The following AGK variants were observed in gnomAD, a reference collection of about 807,000 sequenced individuals.
The protein encoded by AGK is acylglycerol kinase, mitochondrial.
AGK carries 52 observed loss-of-function variants against 66.4 expected under a neutral mutation model. The ratio of observed to expected loss-of-function variants is 0.78; its 90% CI spans 0.63 to 0.99. AGK has a LOEUF of 0.99. Ranked by LOEUF, AGK falls within the 50% of genes least tolerant of loss-of-function variation. AGK has a pLI of 0.00. For synonymous variants in AGK, 182 were observed against 181.1 expected (o/e 1.00, Z -0.04); for missense variants, 451 against 506.6 (o/e 0.89, Z 1.05).
At chr7:141,652,765 C>G in intron 15 of AGK, 22 bp from the exon 16 acceptor site, 1 of 1,611,880 alleles carries the variant, frequency 6.2e-7, no homozygotes, top group Non-Finnish European at 8.5e-7. Flanking sequence ...TTGAGCTGTT[C>G]TGAATATTCT....
intron 13 of AGK, among the ~76,000 whole-genome samples, chr7:141,646,273 C>G (rs929180014): frequency 6.6e-6 from 1 of 152,094 alleles, no homozygotes; most frequent in Non-Finnish European, 1.5e-5. Context: ...TGAGAAACCA[C>G]CACCCGAGAT....
At chr7:141,581,883 T>C (rs142055748) in intron 2 of AGK, among the ~76,000 whole-genome samples, 2,693 of 151,940 alleles carry the variant, frequency 0.018, 106 homozygotes, top group African/African-American at 0.062. Context: ...GTTGGGGAGT[T>C]TTAAGGGGTT....
intron 13 of AGK, among the ~76,000 whole-genome samples, chr7:141,648,862 C>G (rs1797479131): frequency 6.6e-6 from 1 of 152,136 alleles, no homozygotes; most frequent in South Asian, 2.1e-4. Context: ...GCAGCCGATT[C>G]CATGCTGTCA....
At chr7:141,636,176 G>A (rs939787891) in intron 10 of AGK, among the ~76,000 whole-genome samples, 2 of 152,326 alleles carry the variant, frequency 1.3e-5, no homozygotes, top group South Asian at 2.1e-4. Context: ...CATGAGTAAT[G>A]TGAAATTATG....
chr7:141,605,286 A>G (rs1483739323), intron 5 of AGK, among the ~76,000 whole-genome samples: 1 of 152,182 alleles, frequency 6.6e-6, no homozygotes, highest in Non-Finnish European at 1.5e-5. Context: ...GGAATCGTCG[A>G]GGAGTATGAG....
At chr7:141,552,840 GAACA>G (rs946365262) in intron 1 of AGK, among the ~76,000 whole-genome samples, 11 of 152,138 alleles carry the variant, frequency 7.2e-5, no homozygotes, top group Non-Finnish European at 1.6e-4. Flanking sequence ...AGAAGAATCA[GAACA>G]AATAGGCCTT....
chr7:141,649,156 C>T (rs1028592028), intron 13 of AGK, 107 bp from the exon 14 acceptor site: 1 of 603,540 alleles, frequency 1.7e-6, no homozygotes, highest in African/African-American at 1.9e-5. Flanking sequence ...GTAGAGTCCC[C>T]TATCTATATA....
intron 11 of AGK, among the ~76,000 whole-genome samples, chr7:141,638,428 A>G (rs1316658092): frequency 6.6e-6 from 1 of 152,162 alleles, no homozygotes; most frequent in Non-Finnish European, 1.5e-5. Context: ...TTGATGTGCA[A>G]TTTGACTTTT....
chr7:141,574,060 C>A (rs932207872), intron 2 of AGK, among the ~76,000 whole-genome samples: 1 of 151,742 alleles, frequency 6.6e-6, no homozygotes, highest in African/African-American at 2.4e-5. Context: ...ACAAAAAGAA[C>A]TAGTAATTTG....
intron 2 of AGK, among the ~76,000 whole-genome samples, chr7:141,580,933 T>C (rs996490571): frequency 6.6e-5 from 10 of 151,930 alleles, no homozygotes; most frequent in Admixed American, 6.5e-4. Flanking sequence ...ATTTAGGATC[T>C]ATGGAGTCAG....
At chr7:141,606,883 T>G (rs1269878328) in intron 5 of AGK, among the ~76,000 whole-genome samples, 1 of 152,162 alleles carries the variant, frequency 6.6e-6, no homozygotes, top group Non-Finnish European at 1.5e-5. Flanking sequence ...ACTTTGCTAT[T>G]TTTAAAATGT....
intron 13 of AGK, among the ~76,000 whole-genome samples, chr7:141,645,127 A>G (rs1005341990): frequency 6.6e-6 from 1 of 152,116 alleles, no homozygotes; most frequent in Non-Finnish European, 1.5e-5. Flanking sequence ...CATTGTACCC[A>G]TAGATCAATT....
chr7:141,571,841 A>G lies in AGK; in HGVS notation c.101+16274A>G, dbSNP rs541306050. 2.7e-3 allele frequency among the ~76,000 whole-genome samples: 418 copies of G among 152,296 alleles called. 1 individual carries two copies. Among genetic ancestry groups the G allele is most frequent in the Non-Finnish European group, 4.6e-3 (314 of 68,012 alleles). ...TTCACTGGTCATGCAGATTTTTTTTAGAACAATGCCTGACACAAAGAAAGC... is the reference window on the plus strand; with the variant it reads ...TTCACTGGTCATGCAGATTTTTTTTGGAACAATGCCTGACACAAAGAAAGC... On this transcript the variant is annotated intron_variant, in intron 2 of 15. Coordinates refer to ENST00000649286, the MANE Select transcript of AGK (RefSeq NM_018238.4).
At chr7:141,622,687 G>A (rs530311694) in intron 9 of AGK, among the ~76,000 whole-genome samples, 1 of 152,236 alleles carries the variant, frequency 6.6e-6, no homozygotes, top group South Asian at 2.1e-4. Context: ...ATTGAAATTA[G>A]ACCAATTAAT....
intron 2 of AGK, among the ~76,000 whole-genome samples, chr7:141,581,283 G>T (rs939842106): frequency 6.6e-6 from 1 of 151,798 alleles, no homozygotes; most frequent in Non-Finnish European, 1.5e-5. Context: ...GATGAAGGGT[G>T]TAAAGGAATA....
At chr7:141,607,642 A>T (rs1436074711) in intron 5 of AGK, among the ~76,000 whole-genome samples, 1 of 151,988 alleles carries the variant, frequency 6.6e-6, no homozygotes, top group African/African-American at 2.4e-5. Flanking sequence ...AATTTTACTG[A>T]ATTTTAATTT....
In AGK at chr7:141,555,372, T is replaced by C. The variant is rs931126895; in HGVS notation, c.-14-81T>C. On this transcript the variant is annotated intron_variant, in intron 1 of 15. Transcript: ENST00000649286. This position sits in a 1 kb window ranked among gnomAD's most constrained non-coding sequence, Gnocchi z 4.2. Reference sequence around the variant, plus strand: ...AAAGGAGTGAGAGAGGATAAAAGAATGGAAGACAGAGTAATAGGGACATTA... The same window carrying C: ...AAAGGAGTGAGAGAGGATAAAAGAACGGAAGACAGAGTAATAGGGACATTA... 1.1e-6 allele frequency: 1 copy of C among 907,840 alleles called. No individual in the cohort carries two copies. Among genetic ancestry groups the C allele is most frequent in the African/African-American group, 1.7e-5 (1 of 59,268 alleles). The allele number at this position is 907,840 out of a possible 1,614,324, so 56.2% of individuals were successfully genotyped here. A position where few individuals can be genotyped will look rare whatever the true frequency, so the allele number is the denominator to read the frequency against.
intron 8 of AGK, among the ~76,000 whole-genome samples, chr7:141,619,804 T>C (rs951267211): frequency 2.6e-5 from 4 of 152,172 alleles, no homozygotes; most frequent in Non-Finnish European, 5.9e-5. Flanking sequence ...ATTAAACATA[T>C]ACCTACCATA....
chr7:141,552,077 A>G (rs918412626), intron 1 of AGK, among the ~76,000 whole-genome samples: 1 of 152,196 alleles, frequency 6.6e-6, no homozygotes, highest in Admixed American at 6.5e-5. Context: ...ACTACAGTCA[A>G]TGGACCACCA....
Sources: gnomAD v4.1 joint callset for allele counts (sites outside exome capture counted in the v4.1 genomes callset) on GRCh38, gnomAD v4.1.1 for gene constraint, Gnocchi (gnomAD v3.1) non-coding constraint, MANE v1.5 for transcripts, NCBI Gene and HGNC (gene_info 2026-07-23, HGNC 2026-07-21) for gene names.